P4HA1: variants seen among roughly 807,000 people sequenced by gnomAD.
P4HA1 encodes the protein prolyl 4-hydroxylase subunit alpha-1.
A neutral mutation model predicts 72.8 loss-of-function variants in P4HA1; 24 were observed. The observed-to-expected ratio is 0.33, with a 90% CI of 0.24 to 0.46. P4HA1 has a LOEUF of 0.46. P4HA1 is among the 20% of genes least tolerant of loss of function. The probability of loss-of-function intolerance (pLI) is 1.00; values close to 1 mark genes in which losing one functional copy is unlikely to be tolerated. For missense variants in P4HA1, 446 were observed against 640.6 expected, an observed-to-expected ratio of 0.70 and a Z score of 3.28; for synonymous variants, 201 against 218.8, an observed-to-expected ratio of 0.92 and a Z score of 0.72.
At chr10:73,035,324 T>G (rs1339355195) in intron 9 of P4HA1, among the ~76,000 whole-genome samples, 1 of 151,966 alleles carries the variant, frequency 6.6e-6, no homozygotes, top group Non-Finnish European at 1.5e-5. Flanking sequence ...AAGACCAGTC[T>G]GGGAAACATA....
At chr10:73,093,398 T>G (rs774293086) in intron 1 of P4HA1, among the ~76,000 whole-genome samples, 10 of 152,098 alleles carry the variant, frequency 6.6e-5, no homozygotes, top group Non-Finnish European at 1.5e-4. Flanking sequence ...CACACCGAGT[T>G]TAAAAACTGC....
chr10:73,085,699 T>C lies in P4HA1; in HGVS notation c.-32-10784A>G, dbSNP rs141268851. Among the ~76,000 whole-genome samples the C allele has an allele frequency of 2.6e-3, 394 of 152,210 alleles. 3 individuals are homozygous for C. Among genetic ancestry groups the C allele is most frequent in the African/African-American group, 9.0e-3 (373 of 41,540 alleles). On this transcript the variant is annotated intron_variant, in intron 1 of 14. Coordinates refer to ENST00000394890, the MANE Select transcript of P4HA1 (RefSeq NM_001017962.3). ...CACCCGGCCAGTGATTTTTTTTTAA[T>C]GGGCAAAGGATTTGAATAGACATTT...
At position 73,053,506 on chromosome 10, in the gene P4HA1, G is replaced by A. The variant is rs764561642; in HGVS notation, c.548C>T (p.Thr183Met). 11 of 1,613,774 alleles carry A rather than the reference G, an allele frequency of 6.8e-6. No homozygotes were observed. In the Admixed American group the frequency reaches 1.0e-4, roughly 15 times the overall value. Residue 183 changes from threonine to methionine, a missense_variant, in exon 6 of 15, where the codon ACG becomes ATG. Physicochemically the swap from Thr to Met is moderately conservative, Grantham distance 81. Transcript: ENST00000394890. ...TAGGGCTTGTTCCATCCACAGTTCC[G>A]TATGGTAATAATCTGCTTCTGTATA... The part of the protein sequence containing the change: ...VAYTEADYYH[T>M]ELWMEQALRQ...
intron 13 of P4HA1, among the ~76,000 whole-genome samples, chr10:73,010,188 G>A (rs1457036517): frequency 3.3e-5 from 5 of 152,076 alleles, no homozygotes; most frequent in East Asian, 1.9e-4. Context: ...GGCTGGTCTC[G>A]AACTCCTAAC....
rs537968698 is a variant in P4HA1 at position 73,060,647 on chromosome 10, G to A, written c.464-7057C>T. On this transcript the variant is annotated intron_variant, in intron 5 of 14. Transcript: ENST00000394890. ...AATGCCTAGTTCCTACTCTGGAATA[G>A]AAACCTGGAAAAAAAACTGTGCCAG... Among the ~76,000 whole-genome samples, 3 of 152,204 alleles carry A rather than the reference G, an allele frequency of 2.0e-5. No homozygotes were observed. In the South Asian group the frequency reaches 6.2e-4, roughly 32 times the overall value.
chr10:73,027,296 C>A (rs1840298056), intron 10 of P4HA1, among the ~76,000 whole-genome samples: 1 of 151,974 alleles, frequency 6.6e-6, no homozygotes, highest in South Asian at 2.1e-4. Flanking sequence ...ATGTCCTTTG[C>A]AGGGACATGG....
intron 5 of P4HA1, among the ~76,000 whole-genome samples, chr10:73,064,470 T>C (rs1348547130): frequency 8.1e-6 from 1 of 123,644 alleles, no homozygotes; most frequent in African/African-American, 3.9e-5. Context: ...CAGAGTGAGA[T>C]CCTGTCTCAA....
In P4HA1 at chr10:73,068,902, C is replaced by T; in HGVS notation, c.407G>A (p.Arg136His). 2 of 1,611,628 alleles carry T rather than the reference C, an allele frequency of 1.2e-6. No individual in the cohort carries two copies. Among genetic ancestry groups the T allele is most frequent in the Non-Finnish European group, 1.7e-6 (2 of 1,177,990 alleles). ...ATCCAAATTGTAGGTATCCTGGAGA[C>T]GTAACAGAGCTTTGGCTGCCCCAAC... is the stretch of plus-strand genomic sequence containing the variant. ...DQVGAAKALL[R>H]LQDTYNLDTD... The change falls in exon 5 of 15, where the codon CGT becomes CAT. Residue 136 changes from arginine (R) to histidine (H), a missense_variant. Physicochemically the swap from Arg to His is conservative, Grantham distance 29. Transcript: ENST00000394890.
chr10:73,077,178 A>G (rs1369911910), intron 1 of P4HA1, among the ~76,000 whole-genome samples: 2 of 152,260 alleles, frequency 1.3e-5, no homozygotes, highest in African/African-American at 4.8e-5. Context: ...TGTCTGAAGA[A>G]GAGTCTAGAA....
At chr10:73,023,013 G>C (rs1174247688) in intron 10 of P4HA1, among the ~76,000 whole-genome samples, 2 of 152,186 alleles carry the variant, frequency 1.3e-5, no homozygotes, top group East Asian at 3.8e-4. Flanking sequence ...CCAAATCTAT[G>C]TTTGATTGGT....
At chr10:73,028,654 C>T (rs1433693965) in intron 10 of P4HA1, among the ~76,000 whole-genome samples, 4 of 151,718 alleles carry the variant, frequency 2.6e-5, no homozygotes, top group East Asian at 2.0e-4. Flanking sequence ...AGGCTGGTCT[C>T]GAACTCCTGA....
At chr10:73,026,844 A>G (rs977610725) in intron 10 of P4HA1, among the ~76,000 whole-genome samples, 10 of 152,278 alleles carry the variant, frequency 6.6e-5, no homozygotes, top group Non-Finnish European at 1.5e-4. Flanking sequence ...GGCACATGAA[A>G]AAATGCTCAT....
rs143139888 is a variant in P4HA1, at chr10:73,068,978, T to C, written c.331A>G (p.Ile111Val). The change falls in exon 5 of 15, where the codon ATC (isoleucine) becomes GTC (valine). Residue 111 changes from isoleucine (I) to valine (V), a missense_variant. Physicochemically the swap from Ile to Val is conservative, Grantham distance 29. Coordinates refer to ENST00000394890, the MANE Select transcript of P4HA1 (RefSeq NM_001017962.3). Reference protein sequence around the residue: ...LVLKDMSDGFISNLTIQRQYF... With the variant: ...LVLKDMSDGFVSNLTIQRQYF... ...TGTCTCTGAATGGTTAGGTTAGAGA[T>C]AAAGCCTTGAAATAGATAAATCAAA... is the stretch of plus-strand genomic sequence containing the variant. 367 of 1,609,824 alleles carry C rather than the reference T, an allele frequency of 2.3e-4. No homozygotes were observed. Among genetic ancestry groups the C allele is most frequent in the East Asian group, 5.6e-4 (25 of 44,808 alleles).
chr10:73,082,234 A>G lies in P4HA1; in HGVS notation c.-32-7319T>C, dbSNP rs181966181. Among the ~76,000 whole-genome samples the G allele has an allele frequency of 5.0e-4, 76 of 152,232 alleles. 1 individual carries two copies. The Middle Eastern group carries it at 0.017, about 34-fold the overall frequency. Reference sequence around the variant, plus strand: ...GTTCATCTTACAGTATTTTCAACTTACAGTTGGTTTATCAGGACACAGCCC... The same window carrying G: ...GTTCATCTTACAGTATTTTCAACTTGCAGTTGGTTTATCAGGACACAGCCC... On this transcript the variant is annotated intron_variant, in intron 1 of 14. Coordinates refer to ENST00000394890, the MANE Select transcript of P4HA1 (RefSeq NM_001017962.3).
Position 73,072,209 on chromosome 10 carries a change from A to T in P4HA1, c.174-29T>A, listed in dbSNP as rs746606941. On this transcript the variant is annotated intron_variant, in intron 3 of 14. Transcript: ENST00000394890. Reference sequence around the variant, plus strand: ...CAGATGTAAAACATAAAAACTGAATATTTATATTTCATAGGGAAAAACACA... The same window carrying T: ...CAGATGTAAAACATAAAAACTGAATTTTTATATTTCATAGGGAAAAACACA... The T allele has an allele frequency of 8.3e-6, 13 of 1,561,670 alleles. No homozygotes were observed. In the Admixed American group the frequency reaches 1.3e-4, roughly 15 times the overall value.
At chr10:73,080,786 G>T (rs1279520572) in intron 1 of P4HA1, among the ~76,000 whole-genome samples, 1 of 152,136 alleles carries the variant, frequency 6.6e-6, no homozygotes, top group East Asian at 1.9e-4. Context: ...AAATTAGCCA[G>T]GCATGTTGGC....
At chr10:73,090,080 T>A (rs777297223) in intron 1 of P4HA1, among the ~76,000 whole-genome samples, 2 of 152,154 alleles carry the variant, frequency 1.3e-5, no homozygotes, top group Non-Finnish European at 2.9e-5. Flanking sequence ...GCAGTCCTCC[T>A]GCCTCGGCCC....
chr10:73,080,039 T>C (rs1841787388), intron 1 of P4HA1, among the ~76,000 whole-genome samples: 1 of 152,186 alleles, frequency 6.6e-6, no homozygotes. Context: ...CTAGGATCTA[T>C]AAACAGGACA....
At chr10:73,040,419 T>C (rs756080170) in intron 9 of P4HA1, among the ~76,000 whole-genome samples, 6 of 152,094 alleles carry the variant, frequency 3.9e-5, no homozygotes, top group South Asian at 2.1e-4. Context: ...AAAAGGGTCA[T>C]TGCATACATA....
Sources: gnomAD v4.1 joint callset for allele counts (sites outside exome capture counted in the v4.1 genomes callset) on GRCh38, gnomAD v4.1.1 for gene constraint, MANE v1.5 for transcripts, NCBI Gene and HGNC (gene_info 2026-07-23, HGNC 2026-07-21) for gene names.